PARN: variants seen among roughly 807,000 people sequenced by gnomAD.
PARN encodes poly(A)-specific ribonuclease.
Under a neutral mutation model 102.8 loss-of-function variants are expected in PARN, and 71 were observed. The observed-to-expected ratio is 0.69, with a 90% CI of 0.57 to 0.84. The LOEUF (loss-of-function observed/expected upper bound fraction) is 0.84. PARN is among the 40% of genes least tolerant of loss of function. The pLI is 0.00. For missense variants in PARN, 782 were observed against 760.9 expected (o/e 1.03, Z -0.33); for synonymous variants, 261 against 252.9 (o/e 1.03, Z -0.30).
At chr16:14,593,002 G>A (rs1970288378) in intron 13 of PARN, among the ~76,000 whole-genome samples, 1 of 152,124 alleles carries the variant, frequency 6.6e-6, no homozygotes, top group Non-Finnish European at 1.5e-5. Flanking sequence ...TGGGCGTGGT[G>A]ACGGGTGCCT....
intron 13 of PARN, among the ~76,000 whole-genome samples, chr16:14,590,929 G>T (rs1369443770): frequency 1.3e-5 from 2 of 152,282 alleles, no homozygotes; most frequent in African/African-American, 4.8e-5. Context: ...TCTCAAGCAG[G>T]TGTCTTCCAA....
At chr16:14,446,781 C>T in intron 23 of PARN, 107 bp downstream of exon 23, 3 of 721,284 alleles carry the variant, frequency 4.2e-6, no homozygotes, top group Non-Finnish European at 4.6e-6. Flanking sequence ...ACTACATGGG[C>T]TTTGCCACCA....
In PARN at chr16:14,599,893, G is replaced by C; in HGVS notation, c.840+11C>G. ...GTTCTGCAATCTTGCTAAAAAGTCT[G>C]GCTCACTTACCGAATTAGCAATGGC... On this transcript the variant is annotated intron_variant, in intron 12 of 23. Transcript: ENST00000437198. The C allele has an allele frequency of 6.4e-7, 1 of 1,574,282 alleles. No individual in the cohort carries two copies. Among genetic ancestry groups the C allele is most frequent in the Non-Finnish European group, 8.7e-7 (1 of 1,149,242 alleles).
chr16:14,610,910 C>G, intron 6 of PARN, 101 bp from the exon 7 acceptor site: 1 of 733,664 alleles, frequency 1.4e-6, no homozygotes. Flanking sequence ...AAAGATTTAC[C>G]ATATTTAACT....
At chr16:14,461,255 A>G (rs1961951787) in intron 22 of PARN, among the ~76,000 whole-genome samples, 1 of 152,230 alleles carries the variant, frequency 6.6e-6, no homozygotes, top group South Asian at 2.1e-4. Flanking sequence ...ATGGTATCCT[A>G]GATGAGATCC....
At chr16:14,530,734 CTT>C (rs1016049045) in intron 21 of PARN, among the ~76,000 whole-genome samples, 13 of 152,222 alleles carry the variant, frequency 8.5e-5, no homozygotes, top group Non-Finnish European at 1.8e-4. Flanking sequence ...GCTCCTCTCT[CTT>C]CTCGGCTATC....
At chr16:14,485,619 CA>C (rs1264414128) in intron 21 of PARN, among the ~76,000 whole-genome samples, 1 of 152,010 alleles carries the variant, frequency 6.6e-6, no homozygotes, top group African/African-American at 2.4e-5. Flanking sequence ...AATTGTTAAC[CA>C]ATGAGCATTC....
At chr16:14,484,896 TAAAGAG>T (rs1206446484) in intron 21 of PARN, among the ~76,000 whole-genome samples, 1 of 151,462 alleles carries the variant, frequency 6.6e-6, no homozygotes, top group Non-Finnish European at 1.5e-5. Flanking sequence ...ACTCAAGAGT[TAAAGAG>T]AAAAAGAAAA....
At chr16:14,612,438 A>G (rs1300517046) in intron 6 of PARN, among the ~76,000 whole-genome samples, 2 of 152,040 alleles carry the variant, frequency 1.3e-5, no homozygotes, top group Non-Finnish European at 1.5e-5. Context: ...TGTCTCAAAA[A>G]AAAATAAAAA....
In PARN at chr16:14,447,983, T is replaced by TA. The variant is rs1357804690; in HGVS notation, c.1671-903dup. The stretch of plus-strand genomic sequence containing the variant: ...CTATCTATCTATCTATCTATCTATC[T>TA]ATCTAATCTAATTATTTTTGAGACA... On this transcript the variant is annotated intron_variant, in intron 22 of 23. Transcript: ENST00000437198. Among the ~76,000 whole-genome samples, 46 of 141,190 alleles carry TA rather than the reference T, an allele frequency of 3.3e-4. 2 individuals carry two copies. Among genetic ancestry groups the TA allele is most frequent in the Non-Finnish European group, 1.1e-4 (7 of 63,866 alleles). The allele number at this position is 141,190 out of a possible 152,430, so 92.6% of individuals were successfully genotyped here.
At chr16:14,627,813 C>A (rs912126454) in intron 3 of PARN, among the ~76,000 whole-genome samples, 21 of 152,078 alleles carry the variant, frequency 1.4e-4, no homozygotes, top group Non-Finnish European at 1.6e-4. Context: ...CAAAGTGAGA[C>A]CGATCTCTAC....
chr16:14,569,941 TA>T (rs1005934618), intron 18 of PARN, among the ~76,000 whole-genome samples: 15 of 151,988 alleles, frequency 9.9e-5, no homozygotes, highest in South Asian at 2.1e-4. Context: ...TTTACCAAAT[TA>T]AAAAAAATTA....
At chr16:14,556,367 C>A (rs925669393) in intron 18 of PARN, among the ~76,000 whole-genome samples, 1 of 151,770 alleles carries the variant, frequency 6.6e-6, no homozygotes, top group Admixed American at 6.6e-5. Flanking sequence ...CCGATGTTGA[C>A]CAGGCTAGTC....
chr16:14,506,929 CAG>C (rs1964924850), intron 21 of PARN, among the ~76,000 whole-genome samples: 1 of 152,106 alleles, frequency 6.6e-6, no homozygotes, highest in African/African-American at 2.4e-5. Flanking sequence ...CATTCTCTCT[CAG>C]TAGTAATCAA....
At chr16:14,518,560 A>C (rs550219677) in intron 21 of PARN, among the ~76,000 whole-genome samples, 3 of 152,304 alleles carry the variant, frequency 2.0e-5, no homozygotes, top group Admixed American at 6.5e-5. Flanking sequence ...AAGTAGAAAA[A>C]AGTAAATATA....
intron 21 of PARN, among the ~76,000 whole-genome samples, chr16:14,522,714 T>A (rs1965798999): frequency 6.6e-6 from 1 of 152,070 alleles, no homozygotes; most frequent in Non-Finnish European, 1.5e-5. Flanking sequence ...TGCATCAAGA[T>A]GGGCACACAG....
chr16:14,580,596 A>T (rs1277919436), intron 18 of PARN, among the ~76,000 whole-genome samples: 3 of 152,052 alleles, frequency 2.0e-5, no homozygotes, highest in Admixed American at 1.3e-4. Flanking sequence ...CCCTCATAGG[A>T]AATTTAAATG....
chr16:14,593,492 TAAAAAAAAAAAAAAAAAA>T (rs35329440), intron 12 of PARN, 114 bp from the exon 13 acceptor site: 14 of 31,792 alleles, frequency 4.4e-4, no homozygotes, highest in East Asian at 2.1e-3. Context: ...TTTCCAGACT[TAAAAAAAAAAAAAAAAAA>T]AAAAAAAAAA....
chr16:14,568,112 G>A (rs776892596), intron 18 of PARN, among the ~76,000 whole-genome samples: 10 of 152,166 alleles, frequency 6.6e-5, no homozygotes, highest in Non-Finnish European at 1.3e-4. Flanking sequence ...CACTGTGGGA[G>A]GCCGAGACGG....
Sources: allele counts gnomAD v4.1 joint callset (sites outside exome capture counted in the v4.1 genomes callset), GRCh38; gene constraint gnomAD v4.1.1; transcripts MANE v1.5; gene names NCBI Gene and HGNC (gene_info 2026-07-23, HGNC 2026-07-21).